MCM6: variants seen among roughly 807,000 people sequenced by gnomAD.
MCM6 encodes minichromosome maintenance complex component 6, also known as DNA replication licensing factor MCM6.
A neutral mutation model predicts 94.3 loss-of-function variants in MCM6; 46 were observed. The observed-to-expected ratio is 0.49, with a 90% CI of 0.39 to 0.62. MCM6 has a LOEUF of 0.62. Among genes scored for constraint, MCM6 ranks in the 20% least tolerant of loss-of-function variants. The probability of loss-of-function intolerance (pLI) is 0.00; values close to 1 mark genes in which losing one functional copy is unlikely to be tolerated. For missense variants in MCM6, 865 were observed against 1,017.9 expected (o/e 0.85, Z 2.04); for synonymous variants, 335 against 351.9 (o/e 0.95, Z 0.54).
In MCM6 at chr2:135,846,310, G is replaced by A. The variant is rs1679669454; in HGVS notation, c.2136C>T (p.Ser712=). 1 of 1,614,052 alleles carries A rather than the reference G, an allele frequency of 6.2e-7. No homozygotes were observed. Among genetic ancestry groups the A allele is most frequent in the African/African-American group, 1.3e-5 (1 of 75,042 alleles). ...AGTACTCAGAGAAGCCCAGCCTTAA[G>A]GAGGCTTTGGGAGCAGACTCTTGAT... is the stretch of plus-strand genomic sequence containing the variant. The part of the protein sequence containing the change: ...DINQESAPKA[S]LRLGFSEYCR... Residue 712 remains serine (S), a synonymous_variant, in exon 15 of 17, where the codon TCC becomes TCT. Transcript: ENST00000264156.
rs543995923 is a variant in MCM6, at chr2:135,851,468, T to C, written c.1851A>G (p.Thr617=). ...GAATCATGCTCTCAAGCTGTCGCAC[T>C]GTAATCCTCCATGAAGACTTGGTCA... ...SGVTKSSWRI[T]VRQLESMIRL... The change falls in exon 13 of 17, where the codon ACA becomes ACG. Residue 617 remains threonine (T), a synonymous_variant. Coordinates refer to ENST00000264156, the MANE Select transcript of MCM6 (RefSeq NM_005915.6). The C allele has an allele frequency of 6.2e-7, 1 of 1,613,878 alleles. No individual in the cohort carries two copies. The highest frequency in any genetic ancestry group is 1.3e-5 in the African/African-American group (1 of 75,072).
rs76693195 is a variant in MCM6, at chr2:135,844,924, A to G, written c.2210-240T>C. On this transcript the variant is annotated intron_variant, in intron 15 of 16. Coordinates refer to ENST00000264156, the MANE Select transcript of MCM6 (RefSeq NM_005915.6). Reference sequence around the variant, plus strand: ...TAAGGAGAGAAACCTAATAAAATAGATTATAAGAAATATGTTTCTTAAAGC... The same window carrying G: ...TAAGGAGAGAAACCTAATAAAATAGGTTATAAGAAATATGTTTCTTAAAGC... Among the ~76,000 whole-genome samples the G allele has an allele frequency of 3.5e-4, 54 of 152,328 alleles. 1 individual carries two copies. In the East Asian group the frequency reaches 0.01, roughly 28 times the overall value.
chr2:135,874,552 T>C (rs901111373), intron 1 of MCM6, among the ~76,000 whole-genome samples: 5 of 152,182 alleles, frequency 3.3e-5, no homozygotes, highest in Non-Finnish European at 5.9e-5. Context: ...TTATTCACAA[T>C]AGACAAAAGG....
At chr2:135,873,186 C>T (rs1401764119) in intron 1 of MCM6, among the ~76,000 whole-genome samples, 1 of 152,154 alleles carries the variant, frequency 6.6e-6, no homozygotes, top group Non-Finnish European at 1.5e-5. Flanking sequence ...TGCCTGATGC[C>T]ATCCACGTAA....
At chr2:135,850,291 T>C (rs1476439535) in intron 13 of MCM6, among the ~76,000 whole-genome samples, 1 of 150,588 alleles carries the variant, frequency 6.6e-6, no homozygotes, top group Non-Finnish European at 1.5e-5. Flanking sequence ...CTCCCTCTCG[T>C]TTTTTTTTAA....
intron 16 of MCM6, among the ~76,000 whole-genome samples, chr2:135,842,840 A>G (rs887784739): frequency 6.6e-6 from 1 of 152,122 alleles, no homozygotes; most frequent in African/African-American, 2.4e-5. Flanking sequence ...AATTAGGTGA[A>G]TGAGGGGACA....
chr2:135,848,235 CAA>C, intron 13 of MCM6, 47 bp from the exon 14 acceptor site: 1 of 1,418,878 alleles, frequency 7.0e-7, no homozygotes, highest in Non-Finnish European at 9.9e-7. Flanking sequence ...TTTGATATAC[CAA>C]ACAGATTTTC....
Position 135,868,735 on chromosome 2 carries a change from A to G in MCM6, c.491T>C (p.Val164Ala), listed in dbSNP as rs1680144823. ...GAACTGCTGTTCTACATCCCTGATC[A>G]CTGTCTGACAGTCCAAGCACAGAAA... ...GTFLCLDCQT[V>A]IRDVEQQFKY... The change falls in exon 4 of 17, where the codon GTG becomes GCG. Residue 164 changes from valine to alanine, a missense_variant. Transcript: ENST00000264156. 3 of 1,614,156 alleles carry G rather than the reference A, an allele frequency of 1.9e-6. No individual in the cohort carries two copies. Among genetic ancestry groups the G allele is most frequent in the East Asian group, 2.2e-5 (1 of 44,890 alleles).
Position 135,840,672 on chromosome 2 carries a change from A to C in MCM6, c.*163T>G. 1 of 582,580 alleles carries C rather than the reference A, an allele frequency of 1.7e-6. No homozygotes were observed. The allele number at this position is 582,580 out of a possible 1,614,324, so 36.1% of individuals were successfully genotyped here. ...CTGTGTTGGTATGAAACCTGTGATG[A>C]ATGTGACACATAGGACCATCAACTC... On this transcript the variant is annotated 3_prime_UTR_variant, in exon 17 of 17. Coordinates refer to ENST00000264156, the MANE Select transcript of MCM6 (RefSeq NM_005915.6).
intron 1 of MCM6, among the ~76,000 whole-genome samples, chr2:135,874,699 G>C (rs916830744): frequency 6.6e-6 from 1 of 152,000 alleles, no homozygotes; most frequent in Non-Finnish European, 1.5e-5. Flanking sequence ...ATTTTCACTG[G>C]AGCATTTCAA....
At chr2:135,843,672 G>A (rs542968109) in intron 16 of MCM6, among the ~76,000 whole-genome samples, 3 of 147,906 alleles carry the variant, frequency 2.0e-5, no homozygotes, top group African/African-American at 7.5e-5. Flanking sequence ...GGAGGTGGAA[G>A]CTGCAGTGAG....
At chr2:135,850,522 A>G (rs1301747736) in intron 13 of MCM6, among the ~76,000 whole-genome samples, 1 of 152,214 alleles carries the variant, frequency 6.6e-6, no homozygotes, top group African/African-American at 2.4e-5. Flanking sequence ...ATATTGGGTG[A>G]ATCAAAGAAT....
In MCM6 at chr2:135,868,823, T is replaced by C; in HGVS notation, c.403A>G (p.Thr135Ala). The stretch of plus-strand genomic sequence containing the variant: ...CGCACCACCTGCCCACTGATGCGAG[T>C]GAGCAAACCAATTCTGGATGAGGTG... ...ELTSSRIGLL[T>A]RISGQVVRTH... The change falls in exon 4 of 17, where the codon ACT (threonine) becomes GCT (alanine). Residue 135 changes from threonine to alanine, a missense_variant. Thr to Ala is a moderately conservative substitution (Grantham distance 58). This residue lies in a region of MCM6 where 404 missense variants were observed against 451.9 expected (regional missense o/e 0.89). Coordinates refer to ENST00000264156, the MANE Select transcript of MCM6 (RefSeq NM_005915.6). 6.2e-7 allele frequency: 1 copy of C among 1,614,150 alleles called. No individual in the cohort carries two copies. The highest frequency in any genetic ancestry group is 1.7e-5 in the Admixed American group (1 of 60,022).
chr2:135,856,334 T>G (rs759890919), intron 11 of MCM6, among the ~76,000 whole-genome samples: 1 of 152,082 alleles, frequency 6.6e-6, no homozygotes. Flanking sequence ...TCCCAGCTAC[T>G]TGGGAGGCTC....
In MCM6 at chr2:135,862,520, G is replaced by A. The variant is rs1362148622; in HGVS notation, c.1220+87C>T. ...AGTCATAATTTACACTCCTAGTAAG[G>A]CCATACTGACTGCATTCTTGGTAGC... On this transcript the variant is annotated intron_variant, in intron 8 of 16. Coordinates refer to ENST00000264156, the MANE Select transcript of MCM6 (RefSeq NM_005915.6). 4 of 1,376,104 alleles carry A rather than the reference G, an allele frequency of 2.9e-6. No homozygotes were observed. The African/African-American group carries it at 4.3e-5, about 15-fold the overall frequency. The allele number at this position is 1,376,104 out of a possible 1,614,324, so 85.2% of individuals were successfully genotyped here.
intron 14 of MCM6, among the ~76,000 whole-genome samples, chr2:135,846,806 C>A (rs1482491442): frequency 2.6e-5 from 4 of 152,130 alleles, no homozygotes; most frequent in Admixed American, 6.5e-5. Context: ...GAGTTTGAGA[C>A]CAGCCTGGCC....
At position 135,872,710 on chromosome 2, in the gene MCM6, C is replaced by T; in HGVS notation, c.241G>A (p.Glu81Lys). ...FNQQLSTTIQ[E>K]EFYRVYPYLC... is the part of the protein sequence containing the mutation. ...ATATGCCCATACCTATAGAACTCCT[C>T]TTGAATGGTGGTGGAAAGTTGCTGG... is the stretch of plus-strand genomic sequence containing the variant. Residue 81 changes from glutamate (E) to lysine (K), a missense_variant, in exon 2 of 17, where the codon GAG becomes AAG. Transcript: ENST00000264156. 6.2e-7 allele frequency: 1 copy of T among 1,614,184 alleles called. No individual in the cohort carries two copies. Among genetic ancestry groups the T allele is most frequent in the Non-Finnish European group, 8.5e-7 (1 of 1,180,034 alleles).
chr2:135,859,171 G>T lies in MCM6; in HGVS notation c.1362+130C>A, dbSNP rs911982026. The T allele has an allele frequency of 3.3e-5, 23 of 701,110 alleles. No individual in the cohort carries two copies. The South Asian group carries it at 4.3e-4, about 13-fold the overall frequency. The allele number at this position is 701,110 out of a possible 1,614,324, so 43.4% of individuals were successfully genotyped here. ...GGCTTCCCAAAGTACTGGGACAAAG[G>T]TGTGAGCCACCGCGCCCAGCTGAGA... On this transcript the variant is annotated intron_variant, in intron 9 of 16. Transcript: ENST00000264156.
rs762368231 is a variant in MCM6, at chr2:135,868,803, CACCT to C, written c.419_422del (p.Gln140ArgfsTer12). Reference sequence around the variant, plus strand: ...CTGGGTGAACTGGGTGAGTCCGCACCACCTGCCCACTGATGCGAGTGAGCAAACC... The same window carrying C: ...CTGGGTGAACTGGGTGAGTCCGCACCGCCCACTGATGCGAGTGAGCAAACC... On this transcript the variant is annotated frameshift_variant, in exon 4 of 17. Transcript: ENST00000264156. LOFTEE classifies it high-confidence loss of function. 1 of 1,614,186 alleles carries C rather than the reference CACCT, an allele frequency of 6.2e-7. No individual in the cohort carries two copies. The highest frequency in any genetic ancestry group is 8.5e-7 in the Non-Finnish European group (1 of 1,180,024).
Sources: allele counts gnomAD v4.1 joint callset (sites outside exome capture counted in the v4.1 genomes callset), GRCh38; gene constraint gnomAD v4.1.1; regional missense constraint gnomAD v4.1.1; transcripts MANE v1.5; gene names NCBI Gene and HGNC (gene_info 2026-07-23, HGNC 2026-07-21).